Variants in PDGFRB observed in about 807,000 individuals in gnomAD.
The protein encoded by PDGFRB is platelet derived growth factor receptor beta.
PDGFRB carries 42 observed loss-of-function variants against 120.2 expected under a neutral mutation model. The observed-to-expected ratio is 0.35, with a 90% CI of 0.27 to 0.45. The LOEUF is 0.45. Ranked by LOEUF, PDGFRB falls within the 20% of genes least tolerant of loss-of-function variation. The probability of loss-of-function intolerance (pLI) is 1.00; values close to 1 mark genes in which losing one functional copy is unlikely to be tolerated. For synonymous variants in PDGFRB, 586 were observed against 606.8 expected (o/e 0.97, Z 0.50); for missense variants, 1,149 against 1,476.3 (o/e 0.78, Z 3.63).
In PDGFRB at chr5:150,117,695, G is replaced by C. The variant is rs189849168; in HGVS notation, c.3060C>G (p.Asp1020Glu). 3 of 1,613,858 alleles carry C rather than the reference G, an allele frequency of 1.9e-6. No individual in the cohort carries two copies. The highest frequency in any genetic ancestry group is 2.7e-5 in the African/African-American group (2 of 75,004). Reference sequence around the variant, plus strand: ...TGGGGTCAGGCAGGGGGATGATATAGTCGTTGTCACCCTCATTGGGCTGCA... The same window carrying C: ...TGGGGTCAGGCAGGGGGATGATATACTCGTTGTCACCCTCATTGGGCTGCA... ...TAVQPNEGDN[D>E]YIIPLPDPKP... Residue 1020 changes from aspartate (D) to glutamate (E), a missense_variant, in exon 22 of 23, where the codon GAC (aspartate) becomes GAG (glutamate). This residue lies in a region of PDGFRB where 202 missense variants were observed against 214.3 expected (regional missense o/e 0.94). Coordinates refer to ENST00000261799, the MANE Select transcript of PDGFRB (RefSeq NM_002609.4).
rs773656622 is a variant in PDGFRB at position 150,129,905 on chromosome 5, C to G, written c.1431G>C (p.Glu477Asp). The G allele has an allele frequency of 6.8e-6, 11 of 1,614,094 alleles. No individual in the cohort carries two copies. The African/African-American group carries it at 1.5e-4, about 22-fold the overall frequency. ...CCTCCTCCCAGTACGTCACGTTAGT[C>G]TCCAGCTGGCTCTCCTCTTCGGAAC... is the stretch of plus-strand genomic sequence containing the variant. ...GNSSEEESQL[E>D]TNVTYWEEEQ... Residue 477 changes from glutamate (E) to aspartate (D), a missense_variant, in exon 10 of 23, where the codon GAG (glutamate) becomes GAC (aspartate). Glu to Asp is a conservative substitution (Grantham distance 45, BLOSUM62 2). Coordinates refer to ENST00000261799, the MANE Select transcript of PDGFRB (RefSeq NM_002609.4).
In PDGFRB at chr5:150,117,533, C is replaced by CGT. The variant is rs1287170626; in HGVS notation, c.3137+84_3137+85insAC. On this transcript the variant is annotated intron_variant, in intron 22 of 22. Transcript: ENST00000261799. ...CCTCTGAGGCAAACCTGGCAGCGCG[C>CGT]GCGCGCGCGCGCACACACACACACA... The CGT allele has an allele frequency of 9.4e-6, 6 of 636,958 alleles. No individual in the cohort carries two copies. The East Asian group carries it at 1.1e-4, about 12-fold the overall frequency. The allele number at this position is 636,958 out of a possible 1,614,324, so 39.5% of individuals were successfully genotyped here.
rs1759891317 is a variant in PDGFRB at position 150,115,245 on chromosome 5, C to T, written c.*518G>A. 8.6e-6 allele frequency: 2 copies of T among 233,166 alleles called. No individual in the cohort carries two copies. The highest frequency in any genetic ancestry group is 1.7e-5 in the Non-Finnish European group (2 of 118,074). The allele number at this position is 233,166 out of a possible 1,614,324, so 14.4% of individuals were successfully genotyped here. ...CTTTCTTCTGGATGAGGCAACACTG[C>T]TCAAGGCTAGGCCCTAGCTCAGCCA... On this transcript the variant is annotated 3_prime_UTR_variant, in exon 23 of 23. Transcript: ENST00000261799.
At chr5:150,124,426 A>G in intron 13 of PDGFRB, 66 bp from the exon 14 acceptor site, 1 of 1,186,604 alleles carries the variant, frequency 8.4e-7, no homozygotes, top group Non-Finnish European at 1.2e-6. Context: ...CCACCACAGG[A>G]GCCTATTCTG....
At position 150,129,817 on chromosome 5, in the gene PDGFRB, G is replaced by A. The variant is rs756150324; in HGVS notation, c.1519C>T (p.Arg507Cys). The A allele has an allele frequency of 1.3e-5, 21 of 1,614,032 alleles. No homozygotes were observed. The highest frequency in any genetic ancestry group is 1.5e-5 in the Non-Finnish European group (18 of 1,180,028). ...LQHVDRPLSV[R>C]CTLRNAVGQD... ...CCCACAGCGTTGCGCAGCGTGCAGC[G>A]CACCGACAGTGGCCGATCCACGTGC... The change falls in exon 10 of 23, where the codon CGC (arginine) becomes TGC (cysteine). Residue 507 changes from arginine (R) to cysteine (C), a missense_variant. Coordinates refer to ENST00000261799, the MANE Select transcript of PDGFRB (RefSeq NM_002609.4).
At chr5:150,129,598 G>A (rs1332464078) in intron 10 of PDGFRB, among the ~76,000 whole-genome samples, 159 bp downstream of exon 10, 1 of 152,252 alleles carries the variant, frequency 6.6e-6, no homozygotes. Context: ...GCCAGAATGT[G>A]TTCCTATGCA....
intron 8 of PDGFRB, 36 bp from the exon 9 acceptor site, chr5:150,130,698 G>A (rs780310940): frequency 1.2e-6 from 2 of 1,606,952 alleles, no homozygotes; most frequent in South Asian, 2.2e-5. Flanking sequence ...GAGGCGGGAG[G>A]GTCAGGACAG....
chr5:150,125,935 G>A lies in PDGFRB; in HGVS notation c.1675-358C>T, dbSNP rs543588666. On this transcript the variant is annotated intron_variant, in intron 11 of 22. Coordinates refer to ENST00000261799, the MANE Select transcript of PDGFRB (RefSeq NM_002609.4). Reference sequence around the variant, plus strand: ...GAAAGTGACACCAGGTAGGGTACTCGGCTGGATGCGGATGGCCCTCCCCAG... The same window carrying A: ...GAAAGTGACACCAGGTAGGGTACTCAGCTGGATGCGGATGGCCCTCCCCAG... Among the ~76,000 whole-genome samples, 115 of 152,304 alleles carry A rather than the reference G, an allele frequency of 7.6e-4. 1 individual carries two copies. In the South Asian group the frequency reaches 9.7e-3, roughly 13 times the overall value.
At position 150,131,983 on chromosome 5, in the gene PDGFRB, G is replaced by A. The variant is rs1388431801; in HGVS notation, c.1239C>T (p.Ile413=). ...GGCGAGGGGCGTGCTCATCACCATT[G>A]ATCTGTAGCTGGAAGGAGAGCTGGA... ...AEVQLSFQLQ[I]NVPVRVLELS... The change falls in exon 8 of 23, where the codon ATC becomes ATT. Residue 413 remains isoleucine (I), a synonymous_variant. Coordinates refer to ENST00000261799, the MANE Select transcript of PDGFRB (RefSeq NM_002609.4). 6.5e-7 allele frequency: 1 copy of A among 1,543,792 alleles called. No individual in the cohort carries two copies.
intron 12 of PDGFRB, among the ~76,000 whole-genome samples, chr5:150,125,095 C>G (rs1312631881): frequency 1.3e-5 from 2 of 152,160 alleles, no homozygotes; most frequent in African/African-American, 4.8e-5. Flanking sequence ...TCTGCCCCAT[C>G]TTTAATCTCT....
intron 1 of PDGFRB, among the ~76,000 whole-genome samples, chr5:150,151,329 T>A (rs1017418865): frequency 1.3e-5 from 2 of 152,150 alleles, no homozygotes; most frequent in African/African-American, 4.8e-5. Flanking sequence ...GAACGATCTG[T>A]GCACAGTCCC....
At position 150,129,906 on chromosome 5, in the gene PDGFRB, T is replaced by C; in HGVS notation, c.1430A>G (p.Glu477Gly). Residue 477 changes from glutamate to glycine, a missense_variant, in exon 10 of 23, where the codon GAG becomes GGG. Physicochemically the swap from Glu to Gly is moderately conservative, Grantham distance 98 (BLOSUM62 -2). Coordinates refer to ENST00000261799, the MANE Select transcript of PDGFRB (RefSeq NM_002609.4). ...CTCCTCCCAGTACGTCACGTTAGTC[T>C]CCAGCTGGCTCTCCTCTTCGGAACT... ...GNSSEEESQL[E>G]TNVTYWEEEQ... 1 of 1,614,190 alleles carries C rather than the reference T, an allele frequency of 6.2e-7. No homozygotes were observed. The highest frequency in any genetic ancestry group is 8.5e-7 in the Non-Finnish European group (1 of 1,180,022).
chr5:150,117,814 C>T lies in PDGFRB; in HGVS notation c.2941G>A (p.Asp981Asn). ...QQVDEEFLRS[D>N]HPAILRSQAR... ...TGGGACCGAAGGATGGCTGGGTGGTCACTCCTCAGAAACTCCTCATCCACC... is the reference window on the plus strand; with the variant it reads ...TGGGACCGAAGGATGGCTGGGTGGTTACTCCTCAGAAACTCCTCATCCACC... Residue 981 changes from aspartate to asparagine, a missense_variant, in exon 22 of 23, where the codon GAC (aspartate) becomes AAC (asparagine). By Grantham distance (23) the Asp-to-Asn change is conservative. Around this residue, in one of 3 missense-constraint regions of PDGFRB, gnomAD observed 202 missense variants for 214.3 expected, o/e 0.94. Transcript: ENST00000261799. 6.2e-7 allele frequency: 1 copy of T among 1,613,280 alleles called. No individual in the cohort carries two copies. Among genetic ancestry groups the T allele is most frequent in the Non-Finnish European group, 8.5e-7 (1 of 1,179,414 alleles).
At chr5:150,139,305 A>G (rs1017842080) in intron 1 of PDGFRB, among the ~76,000 whole-genome samples, 1 of 152,216 alleles carries the variant, frequency 6.6e-6, no homozygotes, top group East Asian at 1.9e-4. Context: ...CTATGAATAG[A>G]GCAATCAGCT....
chr5:150,148,971 T>C (rs1445103003), intron 1 of PDGFRB, among the ~76,000 whole-genome samples: 1 of 151,810 alleles, frequency 6.6e-6, no homozygotes, highest in Non-Finnish European at 1.5e-5. Flanking sequence ...AGCAAACAGG[T>C]AGGTGATGGC....
In PDGFRB at chr5:150,117,860, G is replaced by A. The variant is rs542718734; in HGVS notation, c.2905-10C>T. 2 of 1,545,392 alleles carry A rather than the reference G, an allele frequency of 1.3e-6. No individual in the cohort carries two copies. Among genetic ancestry groups the A allele is most frequent in the Admixed American group, 1.8e-5 (1 of 57,054 alleles). On this transcript the variant is annotated splice_polypyrimidine_tract_variant and intron_variant, in intron 21 of 22. Transcript: ENST00000261799. ...CCACCTGCTGGTACTTCTGCTCCCG[G>A]GGCAGGGAGAACCAAAGAAACAGGG...
intron 1 of PDGFRB, among the ~76,000 whole-genome samples, chr5:150,144,026 G>A (rs1326451918): frequency 1.3e-5 from 2 of 152,140 alleles, no homozygotes; most frequent in African/African-American, 4.8e-5. Flanking sequence ...CAAAGCAGCA[G>A]AAATCGACTA....
chr5:150,143,811 G>A lies in PDGFRB; in HGVS notation c.-6-6758C>T, dbSNP rs1383583567. ...ACCCGCCCCCTTCAATCCTATGCTC[G>A]CTCCACTTCCAGTTGTTGGAGAAGG... On this transcript the variant is annotated intron_variant, in intron 1 of 22. Coordinates refer to ENST00000261799, the MANE Select transcript of PDGFRB (RefSeq NM_002609.4). Among the ~76,000 whole-genome samples, 17 of 152,078 alleles carry A rather than the reference G, an allele frequency of 1.1e-4. 4 individuals carry two copies. Among genetic ancestry groups the A allele is most frequent in the Admixed American group, 9.2e-4 (14 of 15,282 alleles).
intron 14 of PDGFRB, among the ~76,000 whole-genome samples, 173 bp from the exon 15 acceptor site, chr5:150,123,374 T>C (rs1403546129): frequency 6.6e-6 from 1 of 152,174 alleles, no homozygotes; most frequent in Non-Finnish European, 1.5e-5. Flanking sequence ...GAGAGCAAGG[T>C]ACTTAGTCTC....
Sources: allele counts gnomAD v4.1 joint callset (sites outside exome capture counted in the v4.1 genomes callset), GRCh38; gene constraint gnomAD v4.1.1; regional missense constraint gnomAD v4.1.1; transcripts MANE v1.5; gene names NCBI Gene and HGNC (gene_info 2026-07-23, HGNC 2026-07-21).